ZBTB7C: variants seen among roughly 807,000 people sequenced by gnomAD.
The protein encoded by ZBTB7C is zinc finger and BTB domain-containing protein 7C.
In ZBTB7C, 8 loss-of-function variants were observed where a neutral mutation model predicts 25.7. That is an observed-to-expected ratio of 0.31 (90% confidence interval 0.18 to 0.56). ZBTB7C has a LOEUF of 0.56. Among genes scored for constraint, ZBTB7C ranks in the 20% least tolerant of loss-of-function variants. The probability of loss-of-function intolerance (pLI) is 0.91; values close to 1 mark genes in which losing one functional copy is unlikely to be tolerated. For missense variants in ZBTB7C, 824 were observed against 855.2 expected, an observed-to-expected ratio of 0.96 and a Z score of 0.46; for synonymous variants, 394 against 369.0, an observed-to-expected ratio of 1.07 and a Z score of -0.78.
At position 48,215,771 on chromosome 18, in the gene ZBTB7C, G is replaced by A. The variant is rs540702400; in HGVS notation, c.-78-29776C>T. 8.9e-4 allele frequency among the ~76,000 whole-genome samples: 136 copies of A among 152,268 alleles called. 2 individuals are homozygous for A. The highest frequency in any genetic ancestry group is 3.2e-3 in the African/African-American group (132 of 41,542). On this transcript the variant is annotated intron_variant, in intron 2 of 4. Transcript: ENST00000590800. ...TCAGAAAAAGACCTGGAAAGGGAAA[G>A]GGATTTTCTACAGAATGTAAATTTC...
chr18:48,142,228 G>T (rs1219497016), intron 3 of ZBTB7C, among the ~76,000 whole-genome samples: 2 of 152,180 alleles, frequency 1.3e-5, no homozygotes, highest in African/African-American at 4.8e-5. Context: ...GAGTCCTTTG[G>T]GCTTACTGGC....
chr18:48,270,292 T>G (rs1332429595), intron 2 of ZBTB7C, among the ~76,000 whole-genome samples: 1 of 139,500 alleles, frequency 7.2e-6, no homozygotes. Flanking sequence ...GGAGTCTCGC[T>G]CTGTTGCCAG....
At chr18:48,081,046 C>T (rs954694861) in intron 3 of ZBTB7C, among the ~76,000 whole-genome samples, 1 of 152,258 alleles carries the variant, frequency 6.6e-6, no homozygotes, top group Non-Finnish European at 1.5e-5. Flanking sequence ...GCAAAGACAC[C>T]ATGGAGCTTC....
At chr18:48,372,296 G>C (rs2047406588) in intron 1 of ZBTB7C, among the ~76,000 whole-genome samples, 1 of 152,146 alleles carries the variant, frequency 6.6e-6, no homozygotes, top group Non-Finnish European at 1.5e-5. Context: ...TCACACATCA[G>C]ACTACTTATT....
intron 3 of ZBTB7C, among the ~76,000 whole-genome samples, chr18:48,120,745 C>T (rs1330180195): frequency 1.3e-5 from 2 of 152,238 alleles, no homozygotes; most frequent in African/African-American, 2.4e-5. Flanking sequence ...AGACTCTAAC[C>T]TGCCCCCAGC....
intron 2 of ZBTB7C, among the ~76,000 whole-genome samples, chr18:48,294,076 C>G (rs939363091): frequency 3.9e-5 from 6 of 152,256 alleles, no homozygotes; most frequent in Non-Finnish European, 7.3e-5. Flanking sequence ...TGTTTACCTC[C>G]CTGGGGAAGG....
At chr18:48,168,939 G>T (rs560237475) in intron 3 of ZBTB7C, among the ~76,000 whole-genome samples, 88 of 152,270 alleles carry the variant, frequency 5.8e-4, no homozygotes, top group African/African-American at 2.0e-3. Context: ...CAACTTCTCA[G>T]CTGTGGAATC....
intron 1 of ZBTB7C, among the ~76,000 whole-genome samples, chr18:48,376,343 T>G (rs1223820029): frequency 1.3e-5 from 2 of 152,218 alleles, no homozygotes; most frequent in Non-Finnish European, 2.9e-5. Context: ...GGAAGGGTTT[T>G]CCGGGCCTCT....
intron 3 of ZBTB7C, among the ~76,000 whole-genome samples, chr18:48,111,332 G>C (rs2144667220): frequency 6.6e-6 from 1 of 152,332 alleles, no homozygotes; most frequent in Admixed American, 6.5e-5. Context: ...AATGTCAGCA[G>C]GGACTTTGTT....
intron 1 of ZBTB7C, among the ~76,000 whole-genome samples, chr18:48,369,304 A>G (rs947023008): frequency 2.0e-5 from 3 of 152,148 alleles, no homozygotes; most frequent in Non-Finnish European, 4.4e-5. Context: ...AAACTAAAAA[A>G]TATATACATA....
upstream of ZBTB7C, among the ~76,000 whole-genome samples, chr18:48,410,318 A>T (rs1025393312): frequency 6.6e-6 from 1 of 151,422 alleles, no homozygotes; most frequent in African/African-American, 2.4e-5. Context: ...TGGGCCCCGC[A>T]CTCCGCACCC....
At chr18:48,397,057 A>G (rs2048044007) in intron 1 of ZBTB7C, among the ~76,000 whole-genome samples, 1 of 152,232 alleles carries the variant, frequency 6.6e-6, no homozygotes, top group Admixed American at 6.5e-5. Context: ...AATAAAAATC[A>G]TTCCAGTTTG....
chr18:48,371,533 T>A (rs1006370900), intron 1 of ZBTB7C, among the ~76,000 whole-genome samples: 1 of 152,184 alleles, frequency 6.6e-6, no homozygotes, highest in Non-Finnish European at 1.5e-5. Flanking sequence ...TTTGGGACAT[T>A]TGTCCCTTAG....
At chr18:48,339,107 G>T (rs1471912709) in intron 1 of ZBTB7C, among the ~76,000 whole-genome samples, 2 of 152,260 alleles carry the variant, frequency 1.3e-5, no homozygotes, top group African/African-American at 4.8e-5. Flanking sequence ...AGGGGCCAAA[G>T]TCCTTCTGGC....
intron 3 of ZBTB7C, among the ~76,000 whole-genome samples, chr18:48,068,100 G>A (rs2037397560): frequency 6.6e-6 from 1 of 150,972 alleles, no homozygotes; most frequent in African/African-American, 2.4e-5. Flanking sequence ...GACTTGGTTA[G>A]ACGAATTCAG....
chr18:48,199,177 T>C (rs553719243), intron 2 of ZBTB7C, among the ~76,000 whole-genome samples: 1 of 152,338 alleles, frequency 6.6e-6, no homozygotes, highest in East Asian at 1.9e-4. Context: ...TTATCTCTAG[T>C]ATTCTGAAAT....
intron 2 of ZBTB7C, among the ~76,000 whole-genome samples, chr18:48,194,346 C>A (rs755706806): frequency 3.9e-5 from 6 of 152,194 alleles, no homozygotes; most frequent in Non-Finnish European, 8.8e-5. Context: ...GCAGGAGCAT[C>A]CATGGTGAAA....
At chr18:48,370,016 T>C (rs779326990) in intron 1 of ZBTB7C, among the ~76,000 whole-genome samples, 2 of 152,046 alleles carry the variant, frequency 1.3e-5, no homozygotes, top group African/African-American at 2.4e-5. Context: ...CCTCAACGAA[T>C]TGAAAAAAAT....
chr18:48,313,864 C>G (rs559807008), intron 2 of ZBTB7C, among the ~76,000 whole-genome samples: 1 of 152,110 alleles, frequency 6.6e-6, no homozygotes, highest in Non-Finnish European at 1.5e-5. Context: ...GGTACTGGAT[C>G]ATAGGCAGAA....
Sources: gnomAD v4.1 joint callset for allele counts (sites outside exome capture counted in the v4.1 genomes callset) on GRCh38, gnomAD v4.1.1 for gene constraint, MANE v1.5 for transcripts, NCBI Gene and HGNC (gene_info 2026-07-23, HGNC 2026-07-21) for gene names.